Variants in TET2 observed in about 807,000 individuals in gnomAD.
TET2 encodes methylcytosine dioxygenase TET2.
In TET2, 299 loss-of-function variants were observed where a neutral mutation model predicts 142.9. That is an observed-to-expected ratio of 2.09 (90% confidence interval 1.90 to 2.30). The LOEUF is 2.30. Among genes scored for constraint, TET2 ranks in the 30% most tolerant of loss-of-function variants. The probability of loss-of-function intolerance (pLI) is 0.00; values close to 1 mark genes in which losing one functional copy is unlikely to be tolerated. For synonymous variants in TET2, 819 were observed against 849.0 expected (o/e 0.96, Z 0.61); for missense variants, 2,418 against 2,378.0 (o/e 1.02, Z -0.35).
At chr4:105,265,874 G>A (rs1730659022) in intron 8 of TET2, among the ~76,000 whole-genome samples, 1 of 152,160 alleles carries the variant, frequency 6.6e-6, no homozygotes, top group Admixed American at 6.6e-5. Flanking sequence ...CCTGAAGAGA[G>A]TATTAGGCTC....
chr4:105,216,898 A>T (rs1727527770), intron 2 of TET2, among the ~76,000 whole-genome samples: 1 of 152,062 alleles, frequency 6.6e-6, no homozygotes, highest in Non-Finnish European at 1.5e-5. Context: ...GATATTTCCT[A>T]GGTAATGTTA....
chr4:105,177,486 C>T (rs1724867920), intron 1 of TET2: 1 of 152,186 alleles, frequency 6.6e-6, no homozygotes, highest in African/African-American at 2.4e-5. Context: ...ACAGACAACT[C>T]ACCAAAGAAG....
chr4:105,235,440 TTG>T lies in TET2; in HGVS notation c.1502_1503del (p.Cys501PhefsTer2). On this transcript the variant is annotated frameshift_variant, in exon 3 of 11. Transcript: ENST00000380013. LOFTEE classifies it high-confidence loss of function. ...IQTAGTMTVP[L>X]CSEKTRPMSE... ...GACTGCAGGGACAATGACTGTTCCA[TTG>T]TGTTCTGAGAAAACAAGACCAATGT... 6.2e-7 allele frequency: 1 copy of T among 1,614,208 alleles called. No individual in the cohort carries two copies.
chr4:105,235,431 A>T lies in TET2; in HGVS notation c.1489A>T (p.Thr497Ser), dbSNP rs972594430. Residue 497 changes from threonine to serine, a missense_variant, in exon 3 of 11, where the codon ACT (threonine) becomes TCT (serine). Thr to Ser is a moderately conservative substitution (Grantham distance 58). Transcript: ENST00000380013. ...RNDIQTAGTM[T>S]VPLCSEKTRP... ...TGACATACAGACTGCAGGGACAATGACTGTTCCATTGTGTTCTGAGAAAAC... is the reference window on the plus strand; with the variant it reads ...TGACATACAGACTGCAGGGACAATGTCTGTTCCATTGTGTTCTGAGAAAAC... The T allele has an allele frequency of 1.7e-5, 27 of 1,614,104 alleles. No homozygotes were observed. Among genetic ancestry groups the T allele is most frequent in the Non-Finnish European group, 2.2e-5 (26 of 1,180,042 alleles).
intron 2 of TET2, among the ~76,000 whole-genome samples, chr4:105,225,521 C>T (rs1728137194): frequency 6.6e-6 from 1 of 152,130 alleles, no homozygotes. Context: ...GTTTTTCTCT[C>T]ATACTACGGC....
chr4:105,149,240 A>G (rs1194347089), intron 1 of TET2, among the ~76,000 whole-genome samples: 2 of 152,182 alleles, frequency 1.3e-5, no homozygotes, highest in East Asian at 1.9e-4. Context: ...TCAACTAATA[A>G]TAGATACAAC....
intron 2 of TET2, among the ~76,000 whole-genome samples, chr4:105,221,858 T>TC (rs1727843676): frequency 6.6e-6 from 1 of 150,770 alleles, no homozygotes; most frequent in African/African-American, 2.4e-5. Context: ...ATGCTATCCC[T>TC]CCCCCGTCCC....
chr4:105,265,971 C>T (rs894975721), intron 8 of TET2, among the ~76,000 whole-genome samples: 9 of 152,036 alleles, frequency 5.9e-5, no homozygotes, highest in Non-Finnish European at 1.0e-4. Context: ...GCCAAGGTGA[C>T]GAGAGTTCAC....
chr4:105,148,762 C>T (rs115085339), intron 1 of TET2, among the ~76,000 whole-genome samples: 1,620 of 151,994 alleles, frequency 0.011, 11 homozygotes, highest in Non-Finnish European at 0.017. Context: ...AAGCAGAGAA[C>T]GGTTAATGAA....
intron 3 of TET2, chr4:105,240,890 A>G: frequency 9.3e-7 from 1 of 1,080,662 alleles, no homozygotes. Flanking sequence ...CCTTGACAAT[A>G]AACCAAGCAA....
rs759507055 is a variant in TET2 at position 105,275,960 on chromosome 4, A to G, written c.5450A>G (p.His1817Arg). 6.4e-7 allele frequency: 1 copy of G among 1,551,840 alleles called. No homozygotes were observed. Among genetic ancestry groups the G allele is most frequent in the South Asian group, 1.2e-5 (1 of 84,066 alleles). Residue 1817 changes from histidine to arginine, a missense_variant, in exon 11 of 11, where the codon CAC becomes CGC. Physicochemically the swap from His to Arg is conservative, Grantham distance 29. Transcript: ENST00000380013. ...ACTGCTTGTGTCCAAGGAGGCTTAC[A>G]CAAATTAAGTGATGCTAATGGTCAG... ...DRTACVQGGL[H>R]KLSDANGQEK...
At chr4:105,195,799 GT>G (rs1726054935) in intron 2 of TET2, among the ~76,000 whole-genome samples, 1 of 152,148 alleles carries the variant, frequency 6.6e-6, no homozygotes, top group African/African-American at 2.4e-5. Context: ...TGACTATAAT[GT>G]TGTCTATGTG....
At chr4:105,163,732 T>C (rs184367093) in intron 1 of TET2, among the ~76,000 whole-genome samples, 2 of 151,842 alleles carry the variant, frequency 1.3e-5, no homozygotes, top group East Asian at 3.9e-4. Context: ...GTCTCTTTGT[T>C]CGTAATCAAT....
At chr4:105,273,087 AACCCATT>A (rs1473730084) in intron 10 of TET2, among the ~76,000 whole-genome samples, 169 bp downstream of exon 10, 1 of 152,206 alleles carries the variant, frequency 6.6e-6, no homozygotes, top group African/African-American at 2.4e-5. Context: ...TGCACAGATC[AACCCATT>A]ACCTAGGTAT....
rs998023523 is a variant in TET2, at chr4:105,259,608, T to A, written c.3804-11T>A. On this transcript the variant is annotated splice_polypyrimidine_tract_variant and intron_variant, in intron 6 of 10. Transcript: ENST00000380013. ...ATCCATAGCAATGAATTTGGTCTTT[T>A]GATTTTTCAGGAGAACTTGCGCCTG... 1 of 1,550,202 alleles carries A rather than the reference T, an allele frequency of 6.5e-7. No individual in the cohort carries two copies. Among genetic ancestry groups the A allele is most frequent in the Non-Finnish European group, 8.7e-7 (1 of 1,146,154 alleles).
In TET2 at chr4:105,275,597, A is replaced by G; in HGVS notation, c.5087A>G (p.Tyr1696Cys). The change falls in exon 11 of 11, where the codon TAT becomes TGT. Residue 1696 changes from tyrosine to cysteine, a missense_variant. Tyr to Cys is a radical substitution (Grantham distance 194). Coordinates refer to ENST00000380013, the MANE Select transcript of TET2 (RefSeq NM_001127208.3). ...SQSFTSKYLG[Y>C]GNQNMQGDGF... ...AGTTTTACATCTAAATACTTAGGTT[A>G]TGGAAACCAAAATATGCAGGGAGAT... 1 of 1,551,792 alleles carries G rather than the reference A, an allele frequency of 6.4e-7. No individual in the cohort carries two copies. The highest frequency in any genetic ancestry group is 1.4e-5 in the African/African-American group (1 of 73,168).
intron 1 of TET2, among the ~76,000 whole-genome samples, chr4:105,159,485 C>CT (rs956703736): frequency 1.3e-5 from 2 of 152,048 alleles, no homozygotes; most frequent in African/African-American, 4.8e-5. Flanking sequence ...GAACTCCCGA[C>CT]TTAAGGTGAT....
chr4:105,174,573 A>C (rs988794665), intron 1 of TET2, among the ~76,000 whole-genome samples: 2 of 152,218 alleles, frequency 1.3e-5, no homozygotes, highest in African/African-American at 4.8e-5. Context: ...CCTACAAGGA[A>C]AATTTTTGTG....
At chr4:105,223,593 G>A (rs928836889) in intron 2 of TET2, among the ~76,000 whole-genome samples, 5 of 152,120 alleles carry the variant, frequency 3.3e-5, no homozygotes, top group African/African-American at 7.2e-5. Context: ...GGGAAATTTA[G>A]TAGACAATAA....
Sources: allele counts gnomAD v4.1 joint callset (sites outside exome capture counted in the v4.1 genomes callset), GRCh38; gene constraint gnomAD v4.1.1; transcripts MANE v1.5; gene names NCBI Gene and HGNC (gene_info 2026-07-23, HGNC 2026-07-21).